The following PCED1B variants were observed in gnomAD, a reference collection of about 807,000 sequenced individuals.
The protein encoded by PCED1B is PC-esterase domain containing 1B.
For missense variants in PCED1B, 573 were observed against 573.9 expected (o/e 1.00, Z 0.02); for synonymous variants, 251 against 246.1 (o/e 1.02, Z -0.19).
chr12:47,095,620 T>G (rs1379042863), intron 1 of PCED1B, among the ~76,000 whole-genome samples: 1 of 152,224 alleles, frequency 6.6e-6, no homozygotes, highest in Non-Finnish European at 1.5e-5. Context: ...GAGTAGATAC[T>G]TTCTATTTAT....
intron 2 of PCED1B, among the ~76,000 whole-genome samples, chr12:47,176,286 T>C (rs1941922021): frequency 6.6e-6 from 1 of 152,030 alleles, no homozygotes; most frequent in Non-Finnish European, 1.5e-5. Context: ...CTAATATTTG[T>C]TTTTTTCCCC....
Position 47,235,486 on chromosome 12 carries a change from G to T in PCED1B, c.423G>T (p.Glu141Asp). Reference sequence around the variant, plus strand: ...CGAACTCCTGGAGAAGCTACCTGGAGAACCTGGAGAACCTGTTCCAGTGCC... The same window carrying T: ...CGAACTCCTGGAGAAGCTACCTGGATAACCTGGAGAACCTGTTCCAGTGCC... ...YGPNSWRSYL[E>D]NLENLFQCLG... The change falls in exon 4 of 4, where the codon GAG becomes GAT. Residue 141 changes from glutamate (E) to aspartate (D), a missense_variant. Coordinates refer to ENST00000546455, the MANE Select transcript of PCED1B (RefSeq NM_138371.3). The T allele has an allele frequency of 6.2e-7, 1 of 1,613,360 alleles. No homozygotes were observed. Among genetic ancestry groups the T allele is most frequent in the South Asian group, 1.1e-5 (1 of 91,050 alleles).
chr12:47,219,999 G>A (rs921041410), intron 3 of PCED1B, among the ~76,000 whole-genome samples: 8 of 150,636 alleles, frequency 5.3e-5, no homozygotes, highest in Admixed American at 4.6e-4. Context: ...ATTGAGCCTG[G>A]GAGGTTGAAG....
chr12:47,091,198 CTTA>C (rs1938250983), intron 1 of PCED1B, among the ~76,000 whole-genome samples: 1 of 152,108 alleles, frequency 6.6e-6, no homozygotes, highest in Non-Finnish European at 1.5e-5. Context: ...CTTGTCAACA[CTTA>C]TTATTTTCCA....
chr12:47,098,044 CT>C (rs1223394039), intron 1 of PCED1B, among the ~76,000 whole-genome samples: 1 of 152,170 alleles, frequency 6.6e-6, no homozygotes, highest in Non-Finnish European at 1.5e-5. Flanking sequence ...GAGGCATTTG[CT>C]TTTGGGTAGT....
intron 2 of PCED1B, among the ~76,000 whole-genome samples, chr12:47,157,001 T>C (rs1941214531): frequency 6.6e-6 from 1 of 152,136 alleles, no homozygotes; most frequent in South Asian, 2.1e-4. Flanking sequence ...TCTCAATAAA[T>C]ATTATAGTAA....
rs538297818 is a variant in PCED1B at position 47,168,129 on chromosome 12, A to G, written c.-525-48093A>G. Among the ~76,000 whole-genome samples, 75 of 152,240 alleles carry G rather than the reference A, an allele frequency of 4.9e-4. 1 individual carries two copies. The highest frequency in any genetic ancestry group is 8.2e-4 in the Non-Finnish European group (56 of 68,038). ...TATTCTGGAAAAGTACCAGTTCCATATGAATTACCTGGTTTACTTGTGTGT... is the reference window on the plus strand; with the variant it reads ...TATTCTGGAAAAGTACCAGTTCCATGTGAATTACCTGGTTTACTTGTGTGT... On this transcript the variant is annotated intron_variant, in intron 2 of 3. Transcript: ENST00000546455.
chr12:47,234,207 C>A (rs780152494), intron 3 of PCED1B, among the ~76,000 whole-genome samples: 1 of 152,052 alleles, frequency 6.6e-6, no homozygotes, highest in Non-Finnish European at 1.5e-5. Context: ...AGGCTGGTCT[C>A]GGACTCCCGA....
At chr12:47,166,950 C>G (rs1941564022) in intron 2 of PCED1B, among the ~76,000 whole-genome samples, 1 of 152,074 alleles carries the variant, frequency 6.6e-6, no homozygotes, top group Non-Finnish European at 1.5e-5. Flanking sequence ...AGGAGGCAGC[C>G]AGATGGTTAA....
At chr12:47,186,869 T>C (rs1452971714) in intron 2 of PCED1B, among the ~76,000 whole-genome samples, 1 of 152,178 alleles carries the variant, frequency 6.6e-6, no homozygotes, top group Non-Finnish European at 1.5e-5. Context: ...CTCCAGCTGA[T>C]TTCTTTTTAT....
At chr12:47,095,915 G>T (rs540932759) in intron 1 of PCED1B, among the ~76,000 whole-genome samples, 1 of 151,314 alleles carries the variant, frequency 6.6e-6, no homozygotes, top group South Asian at 2.1e-4. Context: ...GAGAAGCTTG[G>T]TTTTTTTTTA....
intron 2 of PCED1B, chr12:47,135,535 GT>G (rs1940320232): frequency 1.4e-5 from 7 of 513,814 alleles, no homozygotes; most frequent in Non-Finnish European, 2.8e-5. Context: ...GAGCAGAATG[GT>G]CAGGAGGATG....
At chr12:47,145,959 C>T (rs1940767738) in intron 2 of PCED1B, among the ~76,000 whole-genome samples, 1 of 152,070 alleles carries the variant, frequency 6.6e-6, no homozygotes, top group Non-Finnish European at 1.5e-5. Flanking sequence ...GACAGTGATT[C>T]CTCTGATTGA....
chr12:47,213,545 C>A (rs77276430), intron 2 of PCED1B, among the ~76,000 whole-genome samples: 9 of 152,034 alleles, frequency 5.9e-5, no homozygotes, highest in African/African-American at 1.9e-4. Context: ...AAAATAATTG[C>A]GTTCCTTAAG....
chr12:47,183,486 A>T (rs890160223), intron 2 of PCED1B, among the ~76,000 whole-genome samples: 3 of 152,258 alleles, frequency 2.0e-5, no homozygotes, highest in Non-Finnish European at 4.4e-5. Flanking sequence ...AGAGTCCCAC[A>T]TATCAACATC....
chr12:47,199,655 GACA>G (rs773295122), intron 2 of PCED1B, among the ~76,000 whole-genome samples: 3 of 152,142 alleles, frequency 2.0e-5, no homozygotes, highest in Non-Finnish European at 4.4e-5. Context: ...AGAACAACAG[GACA>G]TCCACATGCA....
At chr12:47,124,684 A>G (rs1182683937) in intron 2 of PCED1B, among the ~76,000 whole-genome samples, 2 of 151,982 alleles carry the variant, frequency 1.3e-5, no homozygotes, top group East Asian at 1.9e-4. Context: ...GCTAACCAGC[A>G]CTTGTTATGA....
intron 2 of PCED1B, among the ~76,000 whole-genome samples, chr12:47,130,888 C>T (rs998942617): frequency 1.5e-4 from 23 of 152,088 alleles, no homozygotes; most frequent in African/African-American, 5.6e-4. Context: ...TTATTATTCT[C>T]ACATCAGAGT....
At position 47,235,186 on chromosome 12, in the gene PCED1B, C is replaced by T. The variant is rs1455868855; in HGVS notation, c.123C>T (p.Arg41=). 6.3e-7 allele frequency: 1 copy of T among 1,595,914 alleles called. No individual in the cohort carries two copies. The highest frequency in any genetic ancestry group is 1.3e-5 in the African/African-American group (1 of 74,710). Reference sequence around the variant, plus strand: ...TGGTGCTTCTGCTGCAGAAGGACCGCCTGCTCACTCCCGGGCAGCTTAGAG... The same window carrying T: ...TGGTGCTTCTGCTGCAGAAGGACCGTCTGCTCACTCCCGGGCAGCTTAGAG... ...KDLVLLLQKD[R]LLTPGQLRAR... is the part of the protein sequence containing the mutation. The change falls in exon 4 of 4, where the codon CGC becomes CGT. Residue 41 remains arginine, a synonymous_variant. Coordinates refer to ENST00000546455, the MANE Select transcript of PCED1B (RefSeq NM_138371.3).
Sources: allele counts gnomAD v4.1 joint callset (sites outside exome capture counted in the v4.1 genomes callset), GRCh38; gene constraint gnomAD v4.1.1; transcripts MANE v1.5; gene names NCBI Gene and HGNC (gene_info 2026-07-23, HGNC 2026-07-21).